VAT1L: variants seen among roughly 807,000 people sequenced by gnomAD.
VAT1L encodes the protein vesicle amine transport 1 like, also known as putative NADPH-dependent quinone oxidoreductase VAT1L.
A neutral mutation model predicts 44.1 loss-of-function variants in VAT1L; 34 were observed. That is an observed-to-expected ratio of 0.77 (90% CI 0.59 to 1.03). VAT1L has a LOEUF of 1.03. Among genes scored for constraint, VAT1L ranks in the 50% least tolerant of loss-of-function variants. The pLI, the probability that VAT1L is intolerant of heterozygous loss-of-function variation, is 0.00. For missense variants in VAT1L, 615 were observed against 538.8 expected (o/e 1.14, Z -1.40); for synonymous variants, 253 against 202.2 (o/e 1.25, Z -2.13).
intron 7 of VAT1L, among the ~76,000 whole-genome samples, chr16:77,948,306 A>G (rs2142520482): frequency 6.6e-6 from 1 of 152,318 alleles, no homozygotes; most frequent in Admixed American, 6.5e-5. Flanking sequence ...AACACAGGCC[A>G]TTTGATTGAA....
At chr16:77,791,123 C>T (rs2015827233) in intron 1 of VAT1L, among the ~76,000 whole-genome samples, 3 of 152,164 alleles carry the variant, frequency 2.0e-5, no homozygotes, top group Non-Finnish European at 4.4e-5. Flanking sequence ...GTAAATGGCC[C>T]ACTGGGCAGC....
intron 7 of VAT1L, among the ~76,000 whole-genome samples, chr16:77,957,533 A>G (rs956374482): frequency 2.6e-5 from 4 of 151,972 alleles, no homozygotes; most frequent in Admixed American, 2.6e-4. Context: ...GAGACCATCC[A>G]GGCCAACATG....
intron 7 of VAT1L, among the ~76,000 whole-genome samples, chr16:77,935,591 G>A (rs903483104): frequency 6.6e-6 from 1 of 151,840 alleles, no homozygotes; most frequent in African/African-American, 2.4e-5. Context: ...GAGAAGAAAG[G>A]AGTGAGAGGG....
chr16:77,913,911 G>T (rs143701467), intron 7 of VAT1L, among the ~76,000 whole-genome samples: 37 of 152,276 alleles, frequency 2.4e-4, no homozygotes, highest in African/African-American at 8.2e-4. Flanking sequence ...GATATGCAGG[G>T]CTCCCTCTTG....
chr16:77,898,632 TG>T (rs1423373657), intron 7 of VAT1L, among the ~76,000 whole-genome samples: 1 of 121,788 alleles, frequency 8.2e-6, no homozygotes, highest in Non-Finnish European at 1.6e-5. Flanking sequence ...AGGCATGCCC[TG>T]GCACCCAGTA....
intron 1 of VAT1L, among the ~76,000 whole-genome samples, chr16:77,794,458 C>T (rs1196116298): frequency 1.3e-5 from 2 of 152,174 alleles, no homozygotes; most frequent in African/African-American, 4.8e-5. Context: ...CTCCTTGAAC[C>T]ACTAAAGATA....
intron 7 of VAT1L, among the ~76,000 whole-genome samples, chr16:77,898,738 TC>T (rs1464118123): frequency 6.6e-6 from 1 of 152,230 alleles, no homozygotes; most frequent in Non-Finnish European, 1.5e-5. Context: ...GCTGGTTTCC[TC>T]CCTGATGTGC....
chr16:77,796,297 C>A (rs1246588772), intron 1 of VAT1L, among the ~76,000 whole-genome samples: 3 of 152,184 alleles, frequency 2.0e-5, no homozygotes, highest in Non-Finnish European at 2.9e-5. Flanking sequence ...GGAATGGGGA[C>A]TGATTATTGC....
intron 1 of VAT1L, among the ~76,000 whole-genome samples, chr16:77,801,993 A>T (rs1388033637): frequency 6.6e-6 from 1 of 152,158 alleles, no homozygotes; most frequent in Non-Finnish European, 1.5e-5. Context: ...TTCCTGAAAC[A>T]GTCCTTTCAG....
chr16:77,826,861 G>C (rs2016529086), intron 3 of VAT1L, among the ~76,000 whole-genome samples: 1 of 152,204 alleles, frequency 6.6e-6, no homozygotes, highest in Admixed American at 6.5e-5. Context: ...TCTGTAGTTT[G>C]ATGAACTCAG....
At chr16:77,929,347 A>T (rs1039449435) in intron 7 of VAT1L, among the ~76,000 whole-genome samples, 6 of 152,098 alleles carry the variant, frequency 3.9e-5, no homozygotes, top group Non-Finnish European at 7.4e-5. Context: ...TAGAAAGAGG[A>T]GTTATATGAG....
intron 2 of VAT1L, among the ~76,000 whole-genome samples, chr16:77,821,327 G>C (rs536191819): frequency 6.7e-6 from 1 of 149,466 alleles, no homozygotes. Flanking sequence ...CGAGATGGGA[G>C]TCTCACTCTG....
At chr16:77,950,488 A>ACC (rs1434991595) in intron 7 of VAT1L, among the ~76,000 whole-genome samples, 1 of 151,254 alleles carries the variant, frequency 6.6e-6, no homozygotes, top group East Asian at 1.9e-4. Flanking sequence ...ACTAGCCCTA[A>ACC]CCCTATTACT....
intron 7 of VAT1L, among the ~76,000 whole-genome samples, chr16:77,942,811 C>G (rs759446731): frequency 6.6e-6 from 1 of 152,108 alleles, no homozygotes; most frequent in Non-Finnish European, 1.5e-5. Flanking sequence ...GTGGCACAAT[C>G]TGAGCTCACT....
At chr16:77,790,975 C>T (rs964334775) in intron 1 of VAT1L, among the ~76,000 whole-genome samples, 2 of 152,182 alleles carry the variant, frequency 1.3e-5, no homozygotes, top group African/African-American at 2.4e-5. Flanking sequence ...TGCACTTCCC[C>T]GACCCTAGTT....
At chr16:77,922,940 G>C (rs1434600523) in intron 7 of VAT1L, among the ~76,000 whole-genome samples, 1 of 152,146 alleles carries the variant, frequency 6.6e-6, no homozygotes, top group Non-Finnish European at 1.5e-5. Flanking sequence ...CCTCAACCCA[G>C]ACCTGTTTGT....
intron 7 of VAT1L, among the ~76,000 whole-genome samples, chr16:77,936,794 A>G (rs2017803172): frequency 6.6e-6 from 1 of 152,158 alleles, no homozygotes; most frequent in Non-Finnish European, 1.5e-5. Context: ...AGGAAGAGGG[A>G]GCAAGGGTTA....
At chr16:77,929,721 T>C (rs1409967398) in intron 7 of VAT1L, among the ~76,000 whole-genome samples, 1 of 152,180 alleles carries the variant, frequency 6.6e-6, no homozygotes, top group East Asian at 1.9e-4. Flanking sequence ...CAAGGTGACA[T>C]GAGGTAGGTG....
intron 2 of VAT1L, among the ~76,000 whole-genome samples, chr16:77,822,935 C>A (rs2016476268): frequency 1.3e-5 from 2 of 152,208 alleles, no homozygotes; most frequent in South Asian, 4.2e-4. Flanking sequence ...GCAGAGGTGG[C>A]CAGACTCACT....
Sources: allele counts gnomAD v4.1 joint callset (sites outside exome capture counted in the v4.1 genomes callset), GRCh38; gene constraint gnomAD v4.1.1; transcripts MANE v1.5; gene names NCBI Gene and HGNC (gene_info 2026-07-23, HGNC 2026-07-21).